DOK5: variants seen among roughly 807,000 people sequenced by gnomAD.
The protein encoded by DOK5 is docking protein 5, also known as downstream of tyrosine kinase 5.
In DOK5, 27 loss-of-function variants were observed where a neutral mutation model predicts 43.3. The ratio of observed to expected loss-of-function variants is 0.62; its 90% CI spans 0.46 to 0.86. The LOEUF (loss-of-function observed/expected upper bound fraction) is 0.86. Among genes scored for constraint, DOK5 ranks in the 40% least tolerant of loss-of-function variants. The probability of loss-of-function intolerance (pLI) is 0.00; values close to 1 mark genes in which losing one functional copy is unlikely to be tolerated. For missense variants in DOK5, 373 were observed against 392.9 expected, an observed-to-expected ratio of 0.95 and a Z score of 0.43; for synonymous variants, 146 against 140.1, an observed-to-expected ratio of 1.04 and a Z score of -0.30.
chr20:54,615,247 TG>T (rs1304416522), intron 6 of DOK5, among the ~76,000 whole-genome samples: 7 of 152,166 alleles, frequency 4.6e-5, no homozygotes, highest in African/African-American at 1.7e-4. Flanking sequence ...AAGGGGCCTG[TG>T]GGTCCGATAA....
At chr20:54,552,166 CA>C in intron 1 of DOK5, among the ~76,000 whole-genome samples, 1 of 152,260 alleles carries the variant, frequency 6.6e-6, no homozygotes, top group East Asian at 1.9e-4. Context: ...CAAAAACTAA[CA>C]AACAAAACCC....
At chr20:54,638,837 A>G (rs773970724) in intron 6 of DOK5, among the ~76,000 whole-genome samples, 3 of 141,010 alleles carry the variant, frequency 2.1e-5, no homozygotes, top group Non-Finnish European at 4.5e-5. Context: ...CGCTGCCACC[A>G]TGCCTGGCTA....
chr20:54,637,737 GTTCA>G (rs1192192083), intron 6 of DOK5, among the ~76,000 whole-genome samples: 5 of 152,272 alleles, frequency 3.3e-5, no homozygotes, highest in South Asian at 2.1e-4. Flanking sequence ...CAAATCCTGG[GTTCA>G]TTCATTCATT....
chr20:54,558,111 T>C (rs1568782922), intron 2 of DOK5, among the ~76,000 whole-genome samples: 1 of 152,204 alleles, frequency 6.6e-6, no homozygotes, highest in Non-Finnish European at 1.5e-5. Flanking sequence ...AAATCTGTAC[T>C]TGAGGCATCT....
intron 1 of DOK5, among the ~76,000 whole-genome samples, chr20:54,497,781 G>A (rs907200365): frequency 2.0e-5 from 3 of 152,080 alleles, no homozygotes; most frequent in Non-Finnish European, 2.9e-5. Flanking sequence ...GAGTTGAGTG[G>A]TCATTTGCTT....
At chr20:54,495,021 A>G (rs1352290906) in intron 1 of DOK5, 1 of 151,964 alleles carries the variant, frequency 6.6e-6, no homozygotes, top group Non-Finnish European at 1.5e-5. Flanking sequence ...CTCAAAACTA[A>G]AATGGCTCTT....
chr20:54,553,474 C>T (rs947667597), intron 1 of DOK5, among the ~76,000 whole-genome samples: 1 of 151,556 alleles, frequency 6.6e-6, no homozygotes, highest in Non-Finnish European at 1.5e-5. Context: ...GGATTACAGG[C>T]GTGAGCCACC....
chr20:54,490,960 C>G (rs1235117274), intron 1 of DOK5, among the ~76,000 whole-genome samples: 1 of 152,238 alleles, frequency 6.6e-6, no homozygotes, highest in Non-Finnish European at 1.5e-5. Flanking sequence ...TCTTTTCCGT[C>G]CATGTCTTTG....
intron 6 of DOK5, among the ~76,000 whole-genome samples, chr20:54,622,215 A>T (rs1048902832): frequency 5.3e-5 from 8 of 151,416 alleles, no homozygotes; most frequent in African/African-American, 2.0e-4. Context: ...AAATAAAAAA[A>T]ATAAAATAAA....
rs529126994 is a variant in DOK5, at chr20:54,520,182, C to T, written c.67-34751C>T. On this transcript the variant is annotated intron_variant, in intron 1 of 7. Coordinates refer to ENST00000262593, the MANE Select transcript of DOK5 (RefSeq NM_018431.5). ...CGTAAGTCCTTGTCATCTCAGTAAA[C>T]GACATCTCCAATCTTCCACTTGCTT... 1.3e-4 allele frequency among the ~76,000 whole-genome samples: 20 copies of T among 152,274 alleles called. 1 individual carries two copies. The Middle Eastern group carries it at 0.01, about 78-fold the overall frequency.
At chr20:54,557,075 GTC>G (rs1288654830) in intron 2 of DOK5, among the ~76,000 whole-genome samples, 3 of 152,198 alleles carry the variant, frequency 2.0e-5, no homozygotes, top group Non-Finnish European at 4.4e-5. Flanking sequence ...ACAGCTCACA[GTC>G]TCTACTGCTA....
intron 5 of DOK5, among the ~76,000 whole-genome samples, chr20:54,597,249 T>C (rs1986169734): frequency 6.6e-6 from 1 of 152,200 alleles, no homozygotes; most frequent in Admixed American, 6.5e-5. Context: ...CTAGAGGTGA[T>C]TTTGCTCCTA....
intron 5 of DOK5, among the ~76,000 whole-genome samples, chr20:54,604,072 G>A (rs552003675): frequency 1.4e-5 from 2 of 145,562 alleles, no homozygotes; most frequent in East Asian, 2.1e-4. Context: ...TCAGCCTCCC[G>A]AGTAGCTGAG....
chr20:54,515,964 G>A (rs1057256872), intron 1 of DOK5, among the ~76,000 whole-genome samples: 27 of 152,192 alleles, frequency 1.8e-4, no homozygotes, highest in Non-Finnish European at 3.2e-4. Context: ...TCCCTGATTC[G>A]ATCCATCTCT....
chr20:54,601,106 G>A (rs1420277771), intron 5 of DOK5, among the ~76,000 whole-genome samples: 1 of 152,232 alleles, frequency 6.6e-6, no homozygotes, highest in Non-Finnish European at 1.5e-5. Context: ...GGAAAGGGAA[G>A]TGTTAGGGAC....
rs2426532 is a variant in DOK5, at chr20:54,537,583, G to T, written c.67-17350G>T. On this transcript the variant is annotated intron_variant, in intron 1 of 7. Coordinates refer to ENST00000262593, the MANE Select transcript of DOK5 (RefSeq NM_018431.5). ...ATTGGATGGGCTCAACATCAGAATA[G>T]AGAGAACACAGGCAAAATAGACCGA... 9.3e-3 allele frequency among the ~76,000 whole-genome samples: 1,419 copies of T among 152,268 alleles called. 31 individuals carry two copies. The highest frequency in any genetic ancestry group is 0.033 in the African/African-American group (1,360 of 41,560).
chr20:54,560,578 C>A (rs2146735349), intron 2 of DOK5, among the ~76,000 whole-genome samples: 1 of 152,262 alleles, frequency 6.6e-6, no homozygotes, highest in East Asian at 1.9e-4. Context: ...ACTCCTGAAA[C>A]ACGTTCAAAA....
intron 1 of DOK5, among the ~76,000 whole-genome samples, chr20:54,497,657 C>G (rs906601232): frequency 1.3e-5 from 2 of 152,040 alleles, no homozygotes; most frequent in African/African-American, 4.8e-5. Context: ...GGAATTCTGG[C>G]ACAAATGTGT....
chr20:54,522,324 G>C (rs758177577), intron 1 of DOK5, among the ~76,000 whole-genome samples: 2 of 152,300 alleles, frequency 1.3e-5, no homozygotes, highest in Non-Finnish European at 2.9e-5. Context: ...TCGCAGGTTA[G>C]ACAAGCTTGC....
Sources: gnomAD v4.1 joint callset for allele counts (sites outside exome capture counted in the v4.1 genomes callset) on GRCh38, gnomAD v4.1.1 for gene constraint, MANE v1.5 for transcripts, NCBI Gene and HGNC (gene_info 2026-07-23, HGNC 2026-07-21) for gene names.